DPYD: variants seen among roughly 807,000 people sequenced by gnomAD.
The protein encoded by DPYD is dihydropyrimidine dehydrogenase, also known as dihydropyrimidine dehydrogenase [NADP(+)].
In DPYD, 109 loss-of-function variants were observed where a neutral mutation model predicts 116.2. The ratio of observed to expected loss-of-function variants is 0.94; its 90% CI spans 0.80 to 1.10. The LOEUF (loss-of-function observed/expected upper bound fraction) is 1.10. Ranked by LOEUF, DPYD falls within the 50% of genes least tolerant of loss-of-function variation. The probability of loss-of-function intolerance (pLI) is 0.00; values close to 1 mark genes in which losing one functional copy is unlikely to be tolerated. For synonymous variants in DPYD, 440 were observed against 432.0 expected (o/e 1.02, Z -0.23); for missense variants, 1,302 against 1,254.5 (o/e 1.04, Z -0.57).
intron 10 of DPYD, among the ~76,000 whole-genome samples, chr1:97,579,404 A>G (rs1653487318): frequency 6.6e-6 from 1 of 152,236 alleles, no homozygotes; most frequent in South Asian, 2.1e-4. Context: ...TGTAAGTAAC[A>G]GGACACAGCA....
chr1:97,849,635 A>C (rs1472220096), intron 2 of DPYD, among the ~76,000 whole-genome samples: 1 of 152,026 alleles, frequency 6.6e-6, no homozygotes, highest in Non-Finnish European at 1.5e-5. Flanking sequence ...CACTCCAAGC[A>C]CTCCACAAAT....
At chr1:97,242,462 A>T (rs1239757298) in intron 18 of DPYD, among the ~76,000 whole-genome samples, 1 of 151,518 alleles carries the variant, frequency 6.6e-6, no homozygotes, top group Non-Finnish European at 1.5e-5. Context: ...GTATGTGATT[A>T]CATTTAGTAT....
intron 21 of DPYD, among the ~76,000 whole-genome samples, chr1:97,085,260 G>A (rs1467169651): frequency 3.9e-5 from 6 of 152,128 alleles, no homozygotes; most frequent in Non-Finnish European, 1.5e-5. Flanking sequence ...GATTATACAG[G>A]AAACTCTCTA....
chr1:97,425,119 T>C (rs1189915067), intron 14 of DPYD, among the ~76,000 whole-genome samples: 1 of 152,072 alleles, frequency 6.6e-6, no homozygotes, highest in East Asian at 1.9e-4. Context: ...ATTAATTAAT[T>C]TGAAATCTCC....
intron 13 of DPYD, among the ~76,000 whole-genome samples, chr1:97,503,876 A>G (rs1480611748): frequency 6.6e-6 from 1 of 152,100 alleles, no homozygotes; most frequent in Non-Finnish European, 1.5e-5. Context: ...AAATGTCCAT[A>G]AGTAAAATTC....
chr1:97,540,871 G>T (rs986788223), intron 12 of DPYD, among the ~76,000 whole-genome samples: 1 of 152,100 alleles, frequency 6.6e-6, no homozygotes, highest in Non-Finnish European at 1.5e-5. Flanking sequence ...CATCACTTTG[G>T]AGATTCCAAA....
At chr1:97,814,155 G>A (rs922848393) in intron 3 of DPYD, among the ~76,000 whole-genome samples, 2 of 152,158 alleles carry the variant, frequency 1.3e-5, no homozygotes, top group African/African-American at 4.8e-5. Flanking sequence ...AGCAAGGCAT[G>A]GAAGAGCCCA....
At chr1:97,705,321 C>T (rs914582132) in intron 5 of DPYD, among the ~76,000 whole-genome samples, 5 of 152,016 alleles carry the variant, frequency 3.3e-5, no homozygotes, top group Non-Finnish European at 7.4e-5. Flanking sequence ...TGTGGTGTTC[C>T]CCTTCCTGTG....
intron 2 of DPYD, among the ~76,000 whole-genome samples, chr1:97,863,576 T>C (rs1039957762): frequency 6.6e-6 from 1 of 151,872 alleles, no homozygotes; most frequent in Non-Finnish European, 1.5e-5. Context: ...ATATTATGCA[T>C]TCATTAAAAT....
intron 14 of DPYD, among the ~76,000 whole-genome samples, chr1:97,433,199 C>A (rs1011466242): frequency 6.6e-6 from 1 of 152,116 alleles, no homozygotes; most frequent in African/African-American, 2.4e-5. Flanking sequence ...CCTCTTTTAA[C>A]TGGAGGAGGC....
At chr1:97,720,273 T>C (rs2101023457) in intron 5 of DPYD, 2 of 985,414 alleles carry the variant, frequency 2.0e-6, no homozygotes, top group African/African-American at 1.7e-5. Flanking sequence ...TTAGTTGATA[T>C]ACATACTATG....
At chr1:97,513,761 T>C (rs1556795) in intron 13 of DPYD, among the ~76,000 whole-genome samples, 44,482 of 151,616 alleles carry the variant, frequency 0.29, 6,650 homozygotes, top group East Asian at 0.49. Context: ...TAGGAAAGCA[T>C]AGAAATAAGA....
intron 3 of DPYD, among the ~76,000 whole-genome samples, chr1:97,807,424 G>C (rs1431886054): frequency 6.6e-6 from 1 of 151,956 alleles, no homozygotes; most frequent in Non-Finnish European, 1.5e-5. Context: ...ATGGTTATTT[G>C]CCATCTGTAT....
intron 19 of DPYD, among the ~76,000 whole-genome samples, chr1:97,211,247 T>C (rs980788113): frequency 6.6e-6 from 1 of 152,168 alleles, no homozygotes; most frequent in East Asian, 1.9e-4. Flanking sequence ...TCTCCATACT[T>C]TCCCATAGCT....
intron 19 of DPYD, among the ~76,000 whole-genome samples, chr1:97,227,705 A>G (rs1227430720): frequency 6.7e-6 from 1 of 148,980 alleles, no homozygotes; most frequent in East Asian, 1.9e-4. Context: ...GATTTTATAA[A>G]TAAATTTCAG....
At chr1:97,381,229 A>C (rs770916836) in intron 15 of DPYD, among the ~76,000 whole-genome samples, 51 of 152,166 alleles carry the variant, frequency 3.4e-4, no homozygotes, top group Non-Finnish European at 6.9e-4. Flanking sequence ...GAAAAATATG[A>C]AATGTGAAAA....
intron 21 of DPYD, among the ~76,000 whole-genome samples, chr1:97,085,712 C>T (rs1301855066): frequency 6.6e-6 from 1 of 152,096 alleles, no homozygotes; most frequent in African/African-American, 2.4e-5. Flanking sequence ...CTGAAAGATG[C>T]ATAAAATCAG....
At chr1:97,327,391 T>G (rs1025153207) in intron 16 of DPYD, among the ~76,000 whole-genome samples, 12 of 152,070 alleles carry the variant, frequency 7.9e-5, no homozygotes, top group African/African-American at 2.9e-4. Flanking sequence ...TTTACCATAA[T>G]TCATTCAATA....
At chr1:97,516,519 T>C (rs1648247299) in intron 12 of DPYD, among the ~76,000 whole-genome samples, 1 of 152,032 alleles carries the variant, frequency 6.6e-6, no homozygotes, top group South Asian at 2.1e-4. Flanking sequence ...ATTTGGAAAG[T>C]GGGTAGTGTT....
Sources: allele counts gnomAD v4.1 joint callset (sites outside exome capture counted in the v4.1 genomes callset), GRCh38; gene constraint gnomAD v4.1.1; transcripts MANE v1.5; gene names NCBI Gene and HGNC (gene_info 2026-07-23, HGNC 2026-07-21).